The following ADA variants were observed in gnomAD, a reference collection of about 807,000 sequenced individuals.
ADA encodes the protein adenosine aminohydrolase.
A neutral mutation model predicts 49.0 loss-of-function variants in ADA; 45 were observed. That is an observed-to-expected ratio of 0.92 (90% CI 0.72 to 1.18). The LOEUF (loss-of-function observed/expected upper bound fraction) is 1.18, where lower values mean the gene tolerates loss of function less well. ADA is among the 50% of genes most tolerant of loss of function. The pLI is 0.00. For synonymous variants in ADA, 173 were observed against 184.2 expected, an observed-to-expected ratio of 0.94 and a Z score of 0.49; for missense variants, 445 against 472.5, an observed-to-expected ratio of 0.94 and a Z score of 0.54.
chr20:44,625,541 C>T, intron 5 of ADA, 28 bp downstream of exon 5: 2 of 1,552,498 alleles, frequency 1.3e-6, no homozygotes, highest in Non-Finnish European at 1.7e-6. Flanking sequence ...AGACGGGCGG[C>T]CCTGGGCAGG....
chr20:44,648,215 C>T (rs2065610318), intron 1 of ADA, among the ~76,000 whole-genome samples: 1 of 152,106 alleles, frequency 6.6e-6, no homozygotes, highest in Non-Finnish European at 1.5e-5. Context: ...CCTGCAACCC[C>T]CCTTTCCACT....
At chr20:44,633,689 G>C (rs2065454082) in intron 2 of ADA, among the ~76,000 whole-genome samples, 1 of 152,212 alleles carries the variant, frequency 6.6e-6, no homozygotes, top group Non-Finnish European at 1.5e-5. Context: ...AGTGATCGGA[G>C]GAAAGAGCAG....
rs542080442 is a variant in ADA, at chr20:44,636,607, T to C, written c.34-319A>G. On this transcript the variant is annotated intron_variant, in intron 1 of 11. Coordinates refer to ENST00000372874, the MANE Select transcript of ADA (RefSeq NM_000022.4). The stretch of plus-strand genomic sequence containing the variant: ...ATAGAGGCAGGAGCCCAACCCAGTA[T>C]CTTTGTTCTTAATCGCAGCTGGTGA... Among the ~76,000 whole-genome samples the C allele has an allele frequency of 9.9e-5, 15 of 152,256 alleles. 1 individual carries two copies. The East Asian group carries it at 2.9e-3, about 29-fold the overall frequency.
intron 10 of ADA, 105 bp from the exon 11 acceptor site, chr20:44,620,506 G>A (rs2065319306): frequency 1.7e-5 from 16 of 937,220 alleles, no homozygotes; most frequent in Middle Eastern, 2.1e-4. Context: ...GGGCAGATAC[G>A]CTTAGAGGGG....
Position 44,624,356 on chromosome 20 carries a change from C to G in ADA, c.479-27G>C, listed in dbSNP as rs752039424. The G allele has an allele frequency of 5.0e-6, 8 of 1,612,114 alleles. No individual in the cohort carries two copies. The South Asian group carries it at 8.8e-5, about 18-fold the overall frequency. On this transcript the variant is annotated intron_variant, in intron 5 of 11. Coordinates refer to ENST00000372874, the MANE Select transcript of ADA (RefSeq NM_000022.4). ...TGTGGGCGAGATGCCCACCCAGGCTCTGTCACCAGCACCATGGAGAGACCT... is the reference window on the plus strand; with the variant it reads ...TGTGGGCGAGATGCCCACCCAGGCTGTGTCACCAGCACCATGGAGAGACCT...
chr20:44,623,720 T>A (rs2065354580), intron 6 of ADA, among the ~76,000 whole-genome samples: 4 of 151,246 alleles, frequency 2.6e-5, no homozygotes, highest in Non-Finnish European at 5.9e-5. Context: ...CCTCTCTTTC[T>A]TTCTCTTTCT....
intron 2 of ADA, among the ~76,000 whole-genome samples, chr20:44,629,759 C>T (rs950629902): frequency 5.3e-5 from 8 of 152,214 alleles, no homozygotes; most frequent in Non-Finnish European, 1.0e-4. Context: ...CCTCTCTCCC[C>T]TCCCTGCCCA....
intron 1 of ADA, among the ~76,000 whole-genome samples, chr20:44,638,805 A>G (rs2065504656): frequency 6.6e-6 from 1 of 152,178 alleles, no homozygotes; most frequent in Admixed American, 6.5e-5. Flanking sequence ...GTAACAAACA[A>G]GAGAAGTGAA....
At chr20:44,649,872 A>G (rs2065626931) in intron 1 of ADA, among the ~76,000 whole-genome samples, 1 of 151,590 alleles carries the variant, frequency 6.6e-6, no homozygotes, top group Non-Finnish European at 1.5e-5. Context: ...CGTAGCTGGG[A>G]CTACAGGCGC....
At chr20:44,629,829 C>T (rs2065417476) in intron 2 of ADA, among the ~76,000 whole-genome samples, 1 of 152,186 alleles carries the variant, frequency 6.6e-6, no homozygotes. Context: ...GGAAACAGCC[C>T]CTCTGGCTTG....
At chr20:44,633,654 G>A (rs2065453637) in intron 2 of ADA, among the ~76,000 whole-genome samples, 1 of 152,240 alleles carries the variant, frequency 6.6e-6, no homozygotes, top group Admixed American at 6.5e-5. Flanking sequence ...CACCAGGGAG[G>A]GGCAGTGGTG....
chr20:44,636,175 TG>T, intron 2 of ADA, 51 bp downstream of exon 2: 1 of 1,505,962 alleles, frequency 6.6e-7, no homozygotes. Flanking sequence ...TGGGTGGAGC[TG>T]GGGACCCCAC....
intron 1 of ADA, among the ~76,000 whole-genome samples, chr20:44,643,625 A>G (rs1330513880): frequency 3.3e-5 from 5 of 152,140 alleles, no homozygotes; most frequent in African/African-American, 1.2e-4. Context: ...CCTCTGCCTC[A>G]GCCCAAGCCC....
At chr20:44,650,650 T>C (rs551515615) in intron 1 of ADA, among the ~76,000 whole-genome samples, 1 of 151,584 alleles carries the variant, frequency 6.6e-6, no homozygotes, top group South Asian at 2.1e-4. Context: ...TCCAGGCTAG[T>C]CTCAAACTCC....
chr20:44,620,830 A>C lies in ADA; in HGVS notation c.975+188T>G, dbSNP rs889713219. 1.1e-4 allele frequency: 81 copies of C among 755,528 alleles called. No homozygotes were observed. The Middle Eastern group carries it at 1.1e-3, about 10-fold the overall frequency. 46.8% of individuals were successfully genotyped at this position (755,528 alleles called of 1,614,324 possible). A position where few individuals can be genotyped will look rare whatever the true frequency, so the allele number is the denominator to read the frequency against. ...CACTCAACCCAAGCAAAGGATCAAAAACCTGGTCCTAGGTCAGGACGTCAA... is the reference window on the plus strand; with the variant it reads ...CACTCAACCCAAGCAAAGGATCAAACACCTGGTCCTAGGTCAGGACGTCAA... On this transcript the variant is annotated intron_variant, in intron 10 of 11. Coordinates refer to ENST00000372874, the MANE Select transcript of ADA (RefSeq NM_000022.4).
chr20:44,649,779 A>G (rs544506686), intron 1 of ADA, among the ~76,000 whole-genome samples: 73 of 121,658 alleles, frequency 6.0e-4, no homozygotes, highest in African/African-American at 2.3e-3. Context: ...TCTGTCACCC[A>G]GGCTGGAGTG....
rs148994526 is a variant in ADA, at chr20:44,622,851, C to T, written c.758G>A (p.Arg253Gln). 9.0e-5 allele frequency: 146 copies of T among 1,614,228 alleles called. No homozygotes were observed. The highest frequency in any genetic ancestry group is 5.2e-4 in the African/African-American group (39 of 75,056). Residue 253 changes from arginine (R) to glutamine (Q), a missense_variant, in exon 8 of 12, where the codon CGG becomes CAG. Physicochemically the swap from Arg to Gln is conservative, Grantham distance 43 (BLOSUM62 1). Coordinates refer to ENST00000372874, the MANE Select transcript of ADA (RefSeq NM_000022.4). ...LEDQALYNRL[R>Q]QENMHFEICP... is the part of the protein sequence containing the mutation. ...TACCTCGAAGTGCATGTTTTCCTGCCGCAGCCTGTTATAAAGGGCCTGGTC... is the reference window on the plus strand; with the variant it reads ...TACCTCGAAGTGCATGTTTTCCTGCTGCAGCCTGTTATAAAGGGCCTGGTC...
intron 6 of ADA, 154 bp downstream of exon 6, chr20:44,624,048 G>A (rs2065358736): frequency 8.9e-7 from 1 of 1,118,530 alleles, no homozygotes; most frequent in Non-Finnish European, 1.3e-6. Flanking sequence ...GCCTGGCCCA[G>A]GGGGATTCCA....
intron 1 of ADA, among the ~76,000 whole-genome samples, chr20:44,645,074 G>A (rs1394725035): frequency 6.6e-6 from 1 of 152,160 alleles, no homozygotes; most frequent in Non-Finnish European, 1.5e-5. Context: ...CAAGGTGCTG[G>A]GTCACTGATG....
Sources: gnomAD v4.1 joint callset for allele counts (sites outside exome capture counted in the v4.1 genomes callset) on GRCh38, gnomAD v4.1.1 for gene constraint, MANE v1.5 for transcripts, NCBI Gene and HGNC (gene_info 2026-07-23, HGNC 2026-07-21) for gene names.